USP37: variants seen among roughly 807,000 people sequenced by gnomAD.
USP37 encodes ubiquitin specific peptidase 37.
USP37 carries 27 observed loss-of-function variants against 124.0 expected under a neutral mutation model. The observed-to-expected ratio is 0.22, with a 90% confidence interval of 0.16 to 0.30. USP37 has a LOEUF of 0.30. Ranked by LOEUF, USP37 falls within the 10% of genes least tolerant of loss-of-function variation. The pLI is 1.00. For synonymous variants in USP37, 365 were observed against 388.0 expected (o/e 0.94, Z 0.70); for missense variants, 889 against 1,140.4 (o/e 0.78, Z 3.17).
intron 10 of USP37, among the ~76,000 whole-genome samples, chr2:218,518,261 A>T (rs1450724181): frequency 6.6e-6 from 1 of 152,086 alleles, no homozygotes; most frequent in Non-Finnish European, 1.5e-5. Flanking sequence ...TGATTTTTTT[A>T]AATCTGTGAT....
At chr2:218,565,919 G>C (rs1693572356) in intron 1 of USP37, among the ~76,000 whole-genome samples, 1 of 151,980 alleles carries the variant, frequency 6.6e-6, no homozygotes, top group Non-Finnish European at 1.5e-5. Context: ...CATGGTGGCG[G>C]GTGCCTGTAA....
intron 4 of USP37, 79 bp downstream of exon 4, chr2:218,558,419 G>C (rs1168300651): frequency 7.6e-7 from 1 of 1,324,224 alleles, no homozygotes; most frequent in Non-Finnish European, 1.0e-6. Flanking sequence ...GGGCTACTGT[G>C]ATGTTTACTA....
intron 24 of USP37, among the ~76,000 whole-genome samples, chr2:218,456,401 A>C (rs578045568): frequency 1.3e-5 from 2 of 151,894 alleles, no homozygotes; most frequent in African/African-American, 4.8e-5. Flanking sequence ...CAGTGCTGCA[A>C]TGAGCTAATG....
rs181587769 is a variant in USP37, at chr2:218,485,272, T to C, written c.1670+392A>G. On this transcript the variant is annotated intron_variant, in intron 16 of 25. Coordinates refer to ENST00000258399, the MANE Select transcript of USP37 (RefSeq NM_020935.3). ...CATTTTCTTGGAACTCTCAAGACCC[T>C]TTTTCTCTTCAATATTTCAAACGCT... is the stretch of plus-strand genomic sequence containing the variant. Among the ~76,000 whole-genome samples, 65 of 152,282 alleles carry C rather than the reference T, an allele frequency of 4.3e-4. 1 individual carries two copies. Among genetic ancestry groups the C allele is most frequent in the African/African-American group, 1.5e-3 (63 of 41,562 alleles).
At chr2:218,535,199 A>C (rs1287686844) in intron 8 of USP37, among the ~76,000 whole-genome samples, 2 of 150,856 alleles carry the variant, frequency 1.3e-5, no homozygotes, top group African/African-American at 4.9e-5. Flanking sequence ...CCCCGTCTCA[A>C]CTAAAAATAC....
At chr2:218,544,428 T>TAG (rs1241793062) in intron 8 of USP37, among the ~76,000 whole-genome samples, 587 of 50,026 alleles carry the variant, frequency 0.012, 5 homozygotes, top group Non-Finnish European at 0.015. Flanking sequence ...TATATATATA[T>TAG]ATAGAGAGAG....
chr2:218,534,545 T>C, intron 9 of USP37, 64 bp downstream of exon 9: 1 of 973,312 alleles, frequency 1.0e-6, no homozygotes, highest in Non-Finnish European at 1.4e-6. Context: ...GTTAGGTTTT[T>C]ATTTCTAATC....
rs146944635 is a variant in USP37, at chr2:218,487,408, T to C, written c.1590+896A>G. 3.2e-3 allele frequency among the ~76,000 whole-genome samples: 492 copies of C among 152,356 alleles called. 1 individual carries two copies. The highest frequency in any genetic ancestry group is 0.011 in the African/African-American group (473 of 41,588). ...ATGTTACTTCAAATACTTTAATATT[T>C]GTTTACAAATAACAAACTACTTTTT... On this transcript the variant is annotated intron_variant, in intron 15 of 25. Transcript: ENST00000258399.
Position 218,556,513 on chromosome 2 carries a change from T to TG in USP37, c.156+1984_156+1985insC, listed in dbSNP as rs1403777290. 6.7e-4 allele frequency among the ~76,000 whole-genome samples: 89 copies of TG among 133,800 alleles called. 2 individuals are homozygous for TG. The highest frequency in any genetic ancestry group is 4.3e-3 in the Admixed American group (58 of 13,356). 87.8% of individuals were successfully genotyped at this position (133,800 alleles called of 152,430 possible). ...ACTCTGGGTTTTTCTGTTTTTTTTT[T>TG]TTTTTTTTTTTTTTTTTGAGATGGA... is the stretch of plus-strand genomic sequence containing the variant. On this transcript the variant is annotated intron_variant, in intron 4 of 25. Coordinates refer to ENST00000258399, the MANE Select transcript of USP37 (RefSeq NM_020935.3).
intron 11 of USP37, among the ~76,000 whole-genome samples, chr2:218,507,568 T>A (rs1220143175): frequency 6.6e-6 from 1 of 152,176 alleles, no homozygotes; most frequent in Non-Finnish European, 1.5e-5. Flanking sequence ...GTTTTTTTCT[T>A]ATAGTCATTT....
chr2:218,513,275 C>G (rs1690099038), intron 10 of USP37, among the ~76,000 whole-genome samples: 1 of 152,154 alleles, frequency 6.6e-6, no homozygotes, highest in African/African-American at 2.4e-5. Flanking sequence ...AAGTGATACT[C>G]TCATCCTGGC....
At chr2:218,485,803 A>G (rs1050786121) in intron 15 of USP37, 60 bp from the exon 16 acceptor site, 10 of 1,544,756 alleles carry the variant, frequency 6.5e-6, no homozygotes, top group Non-Finnish European at 8.8e-6. Context: ...CTTAAATGCA[A>G]ATAATTTGCT....
At chr2:218,524,807 G>A (rs1036797682) in intron 10 of USP37, among the ~76,000 whole-genome samples, 2 of 152,032 alleles carry the variant, frequency 1.3e-5, no homozygotes, top group Admixed American at 1.3e-4. Flanking sequence ...ACAGCGTTTC[G>A]CCATGTTGGC....
intron 1 of USP37, 88 bp from the exon 2 acceptor site, chr2:218,562,901 C>T: frequency 2.6e-6 from 1 of 389,492 alleles, no homozygotes; most frequent in Non-Finnish European, 4.5e-6. Context: ...CGGTGGCTGA[C>T]GCGAGTAATC....
chr2:218,550,717 T>C (rs1384821764), intron 5 of USP37, among the ~76,000 whole-genome samples: 2 of 151,842 alleles, frequency 1.3e-5, no homozygotes, highest in African/African-American at 4.8e-5. Context: ...AATGTGGTAG[T>C]AGGAATCTGA....
chr2:218,490,538 T>C (rs967460319), intron 14 of USP37, among the ~76,000 whole-genome samples: 4 of 152,228 alleles, frequency 2.6e-5, no homozygotes, highest in Non-Finnish European at 5.9e-5. Flanking sequence ...TTTTGTCTTA[T>C]CAGTACTTTA....
chr2:218,527,908 A>G (rs1047676776), intron 10 of USP37, among the ~76,000 whole-genome samples: 1 of 152,126 alleles, frequency 6.6e-6, no homozygotes, highest in Non-Finnish European at 1.5e-5. Context: ...AATTCTATTA[A>G]GAACCAAATA....
intron 20 of USP37, among the ~76,000 whole-genome samples, chr2:218,473,717 T>C (rs895894554): frequency 2.6e-5 from 4 of 152,188 alleles, no homozygotes; most frequent in African/African-American, 7.2e-5. Flanking sequence ...AGCTCTGTTG[T>C]TCCCACTGAT....
At chr2:218,463,222 ACACACACACT>A in intron 22 of USP37, 74 bp downstream of exon 22, 1 of 624,984 alleles carries the variant, frequency 1.6e-6, no homozygotes, top group Non-Finnish European at 2.7e-6. Context: ...ACACACACAC[ACACACACACT>A]TTCTTTATAT....
Sources: allele counts gnomAD v4.1 joint callset (sites outside exome capture counted in the v4.1 genomes callset), GRCh38; gene constraint gnomAD v4.1.1; transcripts MANE v1.5; gene names NCBI Gene and HGNC (gene_info 2026-07-23, HGNC 2026-07-21).